Variants in LRMDA observed in about 807,000 individuals in gnomAD.
LRMDA encodes leucine rich melanocyte differentiation associated.
In LRMDA, 18 loss-of-function variants were observed where a neutral mutation model predicts 29.8. The observed-to-expected ratio is 0.60, with a 90% CI of 0.42 to 0.90. LRMDA has a LOEUF of 0.90. Ranked by LOEUF, LRMDA falls within the 40% of genes least tolerant of loss-of-function variation. The pLI, the probability that LRMDA is intolerant of heterozygous loss-of-function variation, is 0.00. For missense variants in LRMDA, 273 were observed against 273.9 expected (o/e 1.00, Z 0.02); for synonymous variants, 125 against 109.4 (o/e 1.14, Z -0.89).
At chr10:75,748,800 T>A (rs1482313982) in intron 2 of LRMDA, among the ~76,000 whole-genome samples, 1 of 152,130 alleles carries the variant, frequency 6.6e-6, no homozygotes, top group Non-Finnish European at 1.5e-5. Flanking sequence ...AATATAAGAC[T>A]CCTATCTTCT....
intron 2 of LRMDA, chr10:75,647,445 A>G (rs1184237845): frequency 3.9e-5 from 6 of 152,674 alleles, no homozygotes; most frequent in African/African-American, 9.7e-5. Context: ...ATTAGCCAAG[A>G]TAGAGTGGCG....
At chr10:76,254,769 C>T (rs188640906) in intron 5 of LRMDA, among the ~76,000 whole-genome samples, 1 of 152,182 alleles carries the variant, frequency 6.6e-6, no homozygotes, top group African/African-American at 2.4e-5. Context: ...TGTTCTCTTC[C>T]ACTGTCACAT....
chr10:76,393,417 T>C (rs969377924), intron 6 of LRMDA, among the ~76,000 whole-genome samples: 5 of 152,216 alleles, frequency 3.3e-5, no homozygotes, highest in Non-Finnish European at 7.4e-5. Flanking sequence ...TGATGATTAA[T>C]GGTGTTAAAC....
At chr10:75,873,247 T>C (rs528746368) in intron 2 of LRMDA, among the ~76,000 whole-genome samples, 1 of 152,360 alleles carries the variant, frequency 6.6e-6, no homozygotes, top group East Asian at 1.9e-4. Context: ...TAATCCAATT[T>C]ACATTCTATC....
At chr10:75,706,026 G>C (rs2132173127) in intron 2 of LRMDA, among the ~76,000 whole-genome samples, 1 of 152,170 alleles carries the variant, frequency 6.6e-6, no homozygotes, top group East Asian at 1.9e-4. Flanking sequence ...TTTTCTGGAG[G>C]CATAACGCTG....
chr10:76,052,369 G>C (rs1337566471), intron 4 of LRMDA, among the ~76,000 whole-genome samples: 1 of 152,178 alleles, frequency 6.6e-6, no homozygotes, highest in Non-Finnish European at 1.5e-5. Flanking sequence ...CCCATTCGCA[G>C]ACCGTGGAGG....
intron 6 of LRMDA, among the ~76,000 whole-genome samples, chr10:76,507,022 T>A (rs933549058): frequency 2.6e-5 from 4 of 152,194 alleles, no homozygotes; most frequent in African/African-American, 9.6e-5. Context: ...TGTTTATAAA[T>A]TTTTTGTACT....
At chr10:75,905,664 A>G (rs1254065004) in intron 2 of LRMDA, among the ~76,000 whole-genome samples, 1 of 152,082 alleles carries the variant, frequency 6.6e-6, no homozygotes, top group Non-Finnish European at 1.5e-5. Context: ...GTTTGCAATG[A>G]AGGGGAGTAG....
intron 2 of LRMDA, among the ~76,000 whole-genome samples, chr10:75,990,917 C>G (rs1276634806): frequency 6.6e-6 from 1 of 152,114 alleles, no homozygotes; most frequent in Non-Finnish European, 1.5e-5. Flanking sequence ...ATGTGTGGAT[C>G]TGGGAGGCTT....
chr10:75,551,709 A>G (rs1315109692), intron 2 of LRMDA, among the ~76,000 whole-genome samples: 1 of 152,114 alleles, frequency 6.6e-6, no homozygotes, highest in Non-Finnish European at 1.5e-5. Context: ...TATACGTGCC[A>G]CATTGAGTCA....
At chr10:75,834,374 G>T (rs1408803751) in intron 2 of LRMDA, among the ~76,000 whole-genome samples, 1 of 152,136 alleles carries the variant, frequency 6.6e-6, no homozygotes, top group African/African-American at 2.4e-5. Context: ...TGACCCTTCT[G>T]AGTTATTTGC....
At chr10:75,815,948 A>G (rs1419155593) in intron 2 of LRMDA, among the ~76,000 whole-genome samples, 1 of 152,198 alleles carries the variant, frequency 6.6e-6, no homozygotes, top group East Asian at 1.9e-4. Context: ...CTTGCCCAAG[A>G]TTGTATCTCT....
intron 6 of LRMDA, among the ~76,000 whole-genome samples, chr10:76,450,893 T>TCTTG (rs1209648877): frequency 6.6e-6 from 1 of 152,198 alleles, no homozygotes; most frequent in African/African-American, 2.4e-5. Flanking sequence ...GAGTTCTAAA[T>TCTTG]CTTGCTTTTG....
At chr10:75,458,262 A>G (rs1844543593) in intron 2 of LRMDA, among the ~76,000 whole-genome samples, 2 of 152,172 alleles carry the variant, frequency 1.3e-5, no homozygotes, top group Admixed American at 1.3e-4. Flanking sequence ...GAGCAGGTTT[A>G]TCTTTAAGAT....
intron 6 of LRMDA, among the ~76,000 whole-genome samples, chr10:76,356,399 A>G (rs1027040453): frequency 1.3e-5 from 2 of 152,226 alleles, no homozygotes; most frequent in Non-Finnish European, 2.9e-5. Context: ...TCATTTGCAT[A>G]CAACAATGAG....
intron 2 of LRMDA, among the ~76,000 whole-genome samples, chr10:76,014,162 T>C (rs1218000493): frequency 1.6e-5 from 2 of 128,784 alleles, no homozygotes; most frequent in Non-Finnish European, 3.3e-5. Flanking sequence ...ATATATATAA[T>C]TATATATATA....
intron 2 of LRMDA, among the ~76,000 whole-genome samples, chr10:75,923,866 A>C (rs1486942417): frequency 6.6e-6 from 1 of 152,092 alleles, no homozygotes; most frequent in African/African-American, 2.4e-5. Context: ...GAGACTCACT[A>C]CGGCCTAGGA....
chr10:75,642,243 A>G (rs180780415), intron 2 of LRMDA, among the ~76,000 whole-genome samples: 44 of 152,346 alleles, frequency 2.9e-4, no homozygotes, highest in African/African-American at 9.6e-4. Context: ...TTTGAGCCTC[A>G]GTCTCAAGTC....
At chr10:75,656,011 G>A (rs555231175) in intron 2 of LRMDA, among the ~76,000 whole-genome samples, 28 of 152,254 alleles carry the variant, frequency 1.8e-4, no homozygotes, top group African/African-American at 5.8e-4. Context: ...TGCTGATCCC[G>A]TCTTGGTTGC....
Sources: gnomAD v4.1 joint callset for allele counts (sites outside exome capture counted in the v4.1 genomes callset) on GRCh38, gnomAD v4.1.1 for gene constraint, MANE v1.5 for transcripts, NCBI Gene and HGNC (gene_info 2026-07-23, HGNC 2026-07-21) for gene names.